Variants in PRRC2A observed in about 807,000 individuals in gnomAD.
PRRC2A encodes the protein protein PRRC2A.
In PRRC2A, 59 loss-of-function variants were observed where a neutral mutation model predicts 224.6. The observed-to-expected ratio is 0.26, with a 90% CI of 0.21 to 0.33. The LOEUF (loss-of-function observed/expected upper bound fraction) is 0.33. Ranked by LOEUF, PRRC2A falls within the 10% of genes least tolerant of loss-of-function variation. The pLI is 1.00. For synonymous variants in PRRC2A, 1,194 were observed against 1,109.5 expected (o/e 1.08, Z -1.51); for missense variants, 3,095 against 2,880.7 (o/e 1.07, Z -1.70).
Position 31,632,392 on chromosome 6 carries a change from C to T in PRRC2A, c.3719C>T (p.Pro1240Leu), listed in dbSNP as rs757739371. ...GTGGGCATGGAAGATGGGGAGCGAC[C>T]CCGAAGGAGGCGACATGGGAGGGCT... ...SNVGMEDGER[P>L]RRRRHGRAQQ... The change falls in exon 16 of 31, where the codon CCC becomes CTC. Residue 1240 changes from proline (P) to leucine (L), a missense_variant. Coordinates refer to ENST00000376033, the MANE Select transcript of PRRC2A (RefSeq NM_004638.4). 1 of 1,610,640 alleles carries T rather than the reference C, an allele frequency of 6.2e-7. No homozygotes were observed. The highest frequency in any genetic ancestry group is 1.7e-5 in the Admixed American group (1 of 59,772).
chr6:31,636,023 T>G lies in PRRC2A; in HGVS notation c.5598T>G (p.Pro1866=), dbSNP rs745338729. ...ATCCAAACAGTGGAGGCTTCCGCCC[T>G]GGGACACCCTCACTGCACCCTTACA... ...QLHPNSGGFR[P]GTPSLHPYRS... is the part of the protein sequence containing the mutation. Residue 1866 remains proline, a synonymous_variant, in exon 25 of 31, where the codon CCT becomes CCG. Transcript: ENST00000376033. This position sits in a 1 kb window ranked among gnomAD's most constrained non-coding sequence, Gnocchi z 4.3. 6.2e-7 allele frequency: 1 copy of G among 1,613,312 alleles called. No individual in the cohort carries two copies. Among genetic ancestry groups the G allele is most frequent in the Admixed American group, 1.7e-5 (1 of 60,012 alleles).
chr6:31,631,417 C>G lies in PRRC2A; in HGVS notation c.2744C>G (p.Pro915Arg). Residue 915 changes from proline (P) to arginine (R), a missense_variant, in exon 16 of 31, where the codon CCA becomes CGA. Pro to Arg is a moderately radical substitution (Grantham distance 103). Coordinates refer to ENST00000376033, the MANE Select transcript of PRRC2A (RefSeq NM_004638.4). This position sits in a 1 kb window ranked among gnomAD's most constrained non-coding sequence, Gnocchi z 4.5. ...GVGSGGQGPPPPRRESRTETR... is the reference protein window; with the variant it reads ...GVGSGGQGPPRPRRESRTETR... Reference sequence around the variant, plus strand: ...GGGAGTGGAGGCCAGGGCCCCCCACCACCACGCAGAGAGAGTCGCACAGAG... The same window carrying G: ...GGGAGTGGAGGCCAGGGCCCCCCACGACCACGCAGAGAGAGTCGCACAGAG... The G allele has an allele frequency of 6.2e-7, 1 of 1,609,902 alleles. No individual in the cohort carries two copies. The highest frequency in any genetic ancestry group is 1.3e-5 in the African/African-American group (1 of 74,856).
chr6:31,627,281 A>G lies in PRRC2A; in HGVS notation c.1290+83A>G. 1 of 1,025,468 alleles carries G rather than the reference A, an allele frequency of 9.8e-7. No homozygotes were observed. Among genetic ancestry groups the G allele is most frequent in the Non-Finnish European group, 1.4e-6 (1 of 695,764 alleles). The allele number at this position is 1,025,468 out of a possible 1,614,324, so 63.5% of individuals were successfully genotyped here. A position where few individuals can be genotyped will look rare whatever the true frequency, so the allele number is the denominator to read the frequency against. ...AGTAATTGAAGCGGTTGTGATATAGAGGAAGGGGGGTGCTAAAAATGGGCT... is the reference window on the plus strand; with the variant it reads ...AGTAATTGAAGCGGTTGTGATATAGGGGAAGGGGGGTGCTAAAAATGGGCT... On this transcript the variant is annotated intron_variant, in intron 11 of 30. Coordinates refer to ENST00000376033, the MANE Select transcript of PRRC2A (RefSeq NM_004638.4). The surrounding 1 kb of genome is among the most constrained non-coding windows in gnomAD (Gnocchi z 5.6).
At chr6:31,621,083 C>T (rs892877535) in intron 1 of PRRC2A, among the ~76,000 whole-genome samples, 9 of 152,328 alleles carry the variant, frequency 5.9e-5, no homozygotes, top group South Asian at 2.1e-4. Context: ...CGTAGTCTGC[C>T]CCTAACCACC....
At position 31,625,220 on chromosome 6, in the gene PRRC2A, G is replaced by A. The variant is rs1334022446; in HGVS notation, c.513G>A (p.Pro171=). The A allele has an allele frequency of 1.9e-6, 3 of 1,613,088 alleles. No individual in the cohort carries two copies. The highest frequency in any genetic ancestry group is 1.3e-5 in the African/African-American group (1 of 75,038). ...LLSRFSREEF[P]TLQAAGDQDK... ...CACGATTCTCTCGAGAGGAATTTCC[G>A]ACCCTGCAGGCGGCTGGCGACCAGG... Residue 171 remains proline, a synonymous_variant, in exon 6 of 31, where the codon CCG becomes CCA. Transcript: ENST00000376033. This position sits in a 1 kb window ranked among gnomAD's most constrained non-coding sequence, Gnocchi z 4.1.
At chr6:31,623,382 C>T (rs967952414) in intron 2 of PRRC2A, among the ~76,000 whole-genome samples, 10 of 150,836 alleles carry the variant, frequency 6.6e-5, no homozygotes, top group Admixed American at 2.7e-4. Flanking sequence ...ATTATCCTGC[C>T]TCAGCCTCCT....
In PRRC2A at chr6:31,632,407, A is replaced by G. The variant is rs1583217537; in HGVS notation, c.3734A>G (p.His1245Arg). The change falls in exon 16 of 31, where the codon CAT becomes CGT. Residue 1245 changes from histidine to arginine, a missense_variant. His to Arg is a conservative substitution (Grantham distance 29, BLOSUM62 0). This residue lies in a region of PRRC2A where 2,001 missense variants were observed against 1,764.9 expected (regional missense o/e 1.13). Transcript: ENST00000376033. Reference sequence around the variant, plus strand: ...GGGGAGCGACCCCGAAGGAGGCGACATGGGAGGGCTCAGCAGCAGGATAAA... The same window carrying G: ...GGGGAGCGACCCCGAAGGAGGCGACGTGGGAGGGCTCAGCAGCAGGATAAA... The part of the protein sequence containing the change: ...EDGERPRRRR[H>R]GRAQQQDKPP... 4 of 1,609,648 alleles carry G rather than the reference A, an allele frequency of 2.5e-6. No individual in the cohort carries two copies. The highest frequency in any genetic ancestry group is 1.1e-5 in the South Asian group (1 of 90,890).
chr6:31,628,029 G>C lies in PRRC2A; in HGVS notation c.1555G>C (p.Ala519Pro), dbSNP rs1181547961. 1.9e-6 allele frequency: 3 copies of C among 1,612,624 alleles called. No homozygotes were observed. Among genetic ancestry groups the C allele is most frequent in the Non-Finnish European group, 2.5e-6 (3 of 1,179,786 alleles). Residue 519 changes from alanine (A) to proline (P), a missense_variant, in exon 12 of 31, where the codon GCT becomes CCT. Around this residue, in one of 8 missense-constraint regions of PRRC2A, gnomAD observed 2,001 missense variants for 1,764.9 expected, o/e 1.13. Transcript: ENST00000376033. ...AAPPAAPSTP[A>P]PPPAVPKELP... ...CCCACCTGCTGCCCCTTCTACCCCA[G>C]CTCCACCACCTGCAGTCCCTAAAGA...
chr6:31,629,955 A>T, intron 14 of PRRC2A, 110 bp downstream of exon 14: 4 of 1,511,958 alleles, frequency 2.6e-6, no homozygotes, highest in Non-Finnish European at 3.6e-6. Context: ...CATCATAGTG[A>T]TGAGGGAAGG....
Position 31,631,117 on chromosome 6 carries a change from T to G in PRRC2A, c.2466-22T>G. ...GGTTTTCCTGAGATACTTATTTCCA[T>G]TCTTTCTGTCTGTCTCTTCAGGAGC... On this transcript the variant is annotated intron_variant, in intron 15 of 30. Transcript: ENST00000376033. This position sits in a 1 kb window ranked among gnomAD's most constrained non-coding sequence, Gnocchi z 4.5. 1 of 1,461,780 alleles carries G rather than the reference T, an allele frequency of 6.8e-7. No individual in the cohort carries two copies. Among genetic ancestry groups the G allele is most frequent in the Non-Finnish European group, 9.2e-7 (1 of 1,085,432 alleles). 90.6% of individuals were successfully genotyped at this position (1,461,780 alleles called of 1,614,324 possible).
At position 31,627,067 on chromosome 6, in the gene PRRC2A, A is replaced by G. The variant is rs1775991712; in HGVS notation, c.1159A>G (p.Thr387Ala). 6 of 1,613,938 alleles carry G rather than the reference A, an allele frequency of 3.7e-6. No individual in the cohort carries two copies. Among genetic ancestry groups the G allele is most frequent in the Admixed American group, 3.3e-5 (2 of 59,998 alleles). The part of the protein sequence containing the change: ...KGNSPNSEPP[T>A]PKTAWAETSR... ...CAACTCCCCCAACAGCGAACCGCCC[A>G]CTCCTAAGACGGCCTGGGCAGAAAC... Residue 387 changes from threonine (T) to alanine (A), a missense_variant, in exon 11 of 31, where the codon ACT becomes GCT. Thr to Ala is a moderately conservative substitution (Grantham distance 58). Around this residue, in one of 8 missense-constraint regions of PRRC2A, gnomAD observed 2,001 missense variants for 1,764.9 expected, o/e 1.13. Transcript: ENST00000376033. The surrounding 1 kb of genome is among the most constrained non-coding windows in gnomAD (Gnocchi z 5.6).
Position 31,632,340 on chromosome 6 carries a change from C to T in PRRC2A, c.3667C>T (p.Arg1223Cys), listed in dbSNP as rs746293421. 1.6e-5 allele frequency: 26 copies of T among 1,613,238 alleles called. No individual in the cohort carries two copies. Among genetic ancestry groups the T allele is most frequent in the Middle Eastern group, 1.6e-4 (1 of 6,084 alleles). The change falls in exon 16 of 31, where the codon CGC becomes TGC. Residue 1223 changes from arginine (R) to cysteine (C), a missense_variant. By Grantham distance (180) the Arg-to-Cys change is radical. Around this residue, in one of 8 missense-constraint regions of PRRC2A, gnomAD observed 2,001 missense variants for 1,764.9 expected, o/e 1.13. Transcript: ENST00000376033. ...LIPGPLSPVA[R>C]GGSNGGSNVG... ...CCCAGGGCCTCTGTCCCCTGTGGCG[C>T]GCGGAGGCAGCAATGGAGGTAGCAA...
chr6:31,631,952 G>A lies in PRRC2A; in HGVS notation c.3279G>A (p.Glu1093=). 1.2e-6 allele frequency: 2 copies of A among 1,612,914 alleles called. No homozygotes were observed. The highest frequency in any genetic ancestry group is 1.7e-6 in the Non-Finnish European group (2 of 1,179,960). ...GCGAGACACGGAGCGAGGGTTCAGA[G>A]TATGAGGAAATCCCCAAGCGGCGCC... ...TASETRSEGS[E]YEEIPKRRRQ... is the part of the protein sequence containing the mutation. The change falls in exon 16 of 31, where the codon GAG becomes GAA. Residue 1093 remains glutamate, a synonymous_variant. Transcript: ENST00000376033. The surrounding 1 kb of genome is among the most constrained non-coding windows in gnomAD (Gnocchi z 4.5).
In PRRC2A at chr6:31,625,918, AT is replaced by A; in HGVS notation, c.839+49del. 3 of 1,580,614 alleles carry A rather than the reference AT, an allele frequency of 1.9e-6. No individual in the cohort carries two copies. The highest frequency in any genetic ancestry group is 2.6e-6 in the Non-Finnish European group (3 of 1,153,672). On this transcript the variant is annotated intron_variant, in intron 8 of 30. Coordinates refer to ENST00000376033, the MANE Select transcript of PRRC2A (RefSeq NM_004638.4). This position sits in a 1 kb window ranked among gnomAD's most constrained non-coding sequence, Gnocchi z 4.1. Reference sequence around the variant, plus strand: ...TTGTGGCTGGGGGCAGGGGAAGCTTATTGGGGGAGGAGATGGTTTTCTAGCC... The same window carrying A: ...TTGTGGCTGGGGGCAGGGGAAGCTTATGGGGGAGGAGATGGTTTTCTAGCC...
chr6:31,623,332 A>G (rs566013010), intron 2 of PRRC2A: 7 of 384,812 alleles, frequency 1.8e-5, no homozygotes, highest in African/African-American at 8.0e-5. Context: ...CAATGGTGTG[A>G]TCTTGACTTA....
chr6:31,636,042 C>T lies in PRRC2A; in HGVS notation c.5617C>T (p.Pro1873Ser), dbSNP rs1317838497. The T allele has an allele frequency of 6.2e-7, 1 of 1,611,182 alleles. No individual in the cohort carries two copies. The highest frequency in any genetic ancestry group is 1.3e-5 in the African/African-American group (1 of 74,940). The change falls in exon 25 of 31, where the codon CCT (proline) becomes TCT (serine). Residue 1873 changes from proline (P) to serine (S), a missense_variant. By Grantham distance (74) the Pro-to-Ser change is moderately conservative. Coordinates refer to ENST00000376033, the MANE Select transcript of PRRC2A (RefSeq NM_004638.4). This position sits in a 1 kb window ranked among gnomAD's most constrained non-coding sequence, Gnocchi z 4.3. ...GFRPGTPSLH[P>S]YRSQPLYLPP... is the part of the protein sequence containing the mutation. ...CCGCCCTGGGACACCCTCACTGCACCCTTACAGGTAAGACTCGATGCCTGT... is the reference window on the plus strand; with the variant it reads ...CCGCCCTGGGACACCCTCACTGCACTCTTACAGGTAAGACTCGATGCCTGT...
At position 31,629,539 on chromosome 6, in the gene PRRC2A, C is replaced by G. The variant is rs530044808; in HGVS notation, c.1957-9C>G. ...AGCCTCTCTCATCTTGTCTTTCCTC[C>G]TTTCCTAGGAGCAGCTCCTGAAGCA... On this transcript the variant is annotated splice_polypyrimidine_tract_variant and intron_variant, in intron 13 of 30. Transcript: ENST00000376033. 2 of 1,528,830 alleles carry G rather than the reference C, an allele frequency of 1.3e-6. No individual in the cohort carries two copies. The highest frequency in any genetic ancestry group is 1.4e-5 in the African/African-American group (1 of 73,058). 94.7% of individuals were successfully genotyped at this position (1,528,830 alleles called of 1,614,324 possible).
intron 1 of PRRC2A, among the ~76,000 whole-genome samples, chr6:31,621,453 TG>T (rs756037408): frequency 3.3e-5 from 5 of 151,998 alleles, no homozygotes; most frequent in South Asian, 4.1e-4. Flanking sequence ...TTTTTCTTCT[TG>T]GGCCTCTGCC....
chr6:31,632,878 G>C lies in PRRC2A; in HGVS notation c.4205G>C (p.Gly1402Ala). 6.2e-7 allele frequency: 1 copy of C among 1,613,104 alleles called. No homozygotes were observed. The change falls in exon 16 of 31, where the codon GGG becomes GCG. Residue 1402 changes from glycine to alanine, a missense_variant. This residue lies in a region of PRRC2A where 2,001 missense variants were observed against 1,764.9 expected (regional missense o/e 1.13). Coordinates refer to ENST00000376033, the MANE Select transcript of PRRC2A (RefSeq NM_004638.4). ...CGGCAGAATCGGCGCCCTGGCCCAG[G>C]GGGCAAGGCTGGCAGCAGTGGCAGC... ...MERQNRRPGP[G>A]GKAGSSGSSS...
Sources: gnomAD v4.1 joint callset for allele counts (sites outside exome capture counted in the v4.1 genomes callset) on GRCh38, gnomAD v4.1.1 for gene constraint, gnomAD v4.1.1 regional missense constraint, Gnocchi (gnomAD v3.1) non-coding constraint, MANE v1.5 for transcripts, NCBI Gene and HGNC (gene_info 2026-07-23, HGNC 2026-07-21) for gene names.